Variants in TRANK1 observed in about 807,000 individuals in gnomAD.
TRANK1 encodes the protein TPR and ankyrin repeat-containing protein 1.
A neutral mutation model predicts 266.0 loss-of-function variants in TRANK1; 198 were observed. The observed-to-expected ratio is 0.74, with a 90% CI of 0.66 to 0.84. The LOEUF (loss-of-function observed/expected upper bound fraction) is 0.84. TRANK1 is among the 40% of genes least tolerant of loss of function. The pLI is 0.00. For missense variants in TRANK1, 3,326 were observed against 3,634.6 expected, an observed-to-expected ratio of 0.92 and a Z score of 2.18; for synonymous variants, 1,396 against 1,384.1, an observed-to-expected ratio of 1.01 and a Z score of -0.19.
At chr3:36,829,080 A>G (rs931764848) in intron 23 of TRANK1, among the ~76,000 whole-genome samples, 1 of 152,170 alleles carries the variant, frequency 6.6e-6, no homozygotes, top group East Asian at 1.9e-4. Context: ...CAAACTTTTA[A>G]CCCTCTGTAG....
Position 36,915,727 on chromosome 3 carries a change from T to C in TRANK1, c.24-7273A>G, listed in dbSNP as rs142978557. ...TATTTTTCTTCTTATGAAGAAAAAG[T>C]AGAGGGTATAAGAAAGGCTGTAACA... On this transcript the variant is annotated intron_variant, in intron 1 of 23. Transcript: ENST00000645898. Among the ~76,000 whole-genome samples the C allele has an allele frequency of 2.4e-3, 369 of 152,200 alleles. 1 individual carries two copies. The highest frequency in any genetic ancestry group is 8.3e-3 in the African/African-American group (345 of 41,524).
intron 1 of TRANK1, among the ~76,000 whole-genome samples, chr3:36,919,790 AT>A (rs1311527703): frequency 9.9e-5 from 15 of 152,188 alleles, no homozygotes; most frequent in Non-Finnish European, 1.9e-4. Context: ...AGTCTTTTTA[AT>A]TTTAGCCACT....
At chr3:36,828,401 G>A in intron 23 of TRANK1, 26 bp from the exon 24 acceptor site, 3 of 615,268 alleles carry the variant, frequency 4.9e-6, no homozygotes, top group Admixed American at 2.1e-5. Flanking sequence ...AGGAAGGAAG[G>A]AAGGAAGGAA....
intron 20 of TRANK1, among the ~76,000 whole-genome samples, chr3:36,837,706 A>G (rs1013583696): frequency 2.6e-4 from 39 of 152,192 alleles, no homozygotes; most frequent in African/African-American, 9.4e-4. Flanking sequence ...GCTTACTTTT[A>G]TCTTCTGTGT....
intron 1 of TRANK1, among the ~76,000 whole-genome samples, chr3:36,943,985 G>A (rs1392916820): frequency 6.6e-6 from 1 of 152,136 alleles, no homozygotes. Context: ...GGGAGAAAAG[G>A]TGGCTTGAGC....
At chr3:36,847,085 G>A (rs142138922) in intron 16 of TRANK1, 115 bp downstream of exon 16, 12,959 of 1,272,994 alleles carry the variant, frequency 0.01, 112 homozygotes, top group Non-Finnish European at 0.011. Flanking sequence ...TCAATTCCCC[G>A]TTGCTGAGGA....
chr3:36,895,646 T>A lies in TRANK1; in HGVS notation c.546A>T (p.Leu182Phe). 6.5e-7 allele frequency: 1 copy of A among 1,531,250 alleles called. No homozygotes were observed. Among genetic ancestry groups the A allele is most frequent in the Non-Finnish European group, 8.7e-7 (1 of 1,143,140 alleles). 94.9% of individuals were successfully genotyped at this position (1,531,250 alleles called of 1,614,324 possible). The change falls in exon 5 of 24, where the codon TTA becomes TTT. Residue 182 changes from leucine to phenylalanine, a missense_variant. By Grantham distance (22) the Leu-to-Phe change is conservative (BLOSUM62 0). Transcript: ENST00000645898. ...SVIEKLAKKG[L>F]WHSFLLLSAK... ...GCCATCTCCTTTTACTTACATGCCATAATCCTTTCTTTGCCAACTTTTCTA... is the reference window on the plus strand; with the variant it reads ...GCCATCTCCTTTTACTTACATGCCAAAATCCTTTCTTTGCCAACTTTTCTA...
chr3:36,879,094 T>C (rs2079434101), intron 8 of TRANK1, among the ~76,000 whole-genome samples: 1 of 152,016 alleles, frequency 6.6e-6, no homozygotes. Context: ...CTTACATTGC[T>C]CAGAATGATG....
chr3:36,922,461 C>G (rs892576141), intron 1 of TRANK1, among the ~76,000 whole-genome samples: 7 of 152,140 alleles, frequency 4.6e-5, no homozygotes, highest in Non-Finnish European at 8.8e-5. Flanking sequence ...AAAAATTAGC[C>G]GGGTGTGGTG....
In TRANK1 at chr3:36,846,249, T is replaced by C; in HGVS notation, c.5190A>G (p.Lys1730=). 6.3e-7 allele frequency: 1 copy of C among 1,583,470 alleles called. No individual in the cohort carries two copies. Among genetic ancestry groups the C allele is most frequent in the Non-Finnish European group, 8.6e-7 (1 of 1,163,852 alleles). Residue 1730 remains lysine, a splice_region_variant and synonymous_variant, in exon 17 of 24, where the codon AAA becomes AAG. Transcript: ENST00000645898. Reference sequence around the variant, plus strand: ...AAGAGTATTTTAACAGGATCTTACCTTTATTTTCATCTGTCTTTACAACTT... The same window carrying C: ...AAGAGTATTTTAACAGGATCTTACCCTTATTTTCATCTGTCTTTACAACTT... ...FVQVVKTDEN[K]DFDDSMFVKT... is the part of the protein sequence containing the mutation.
In TRANK1 at chr3:36,851,769, C is replaced by T. The variant is rs2078987291; in HGVS notation, c.4837G>A (p.Gly1613Ser). 6.2e-7 allele frequency: 1 copy of T among 1,613,260 alleles called. No homozygotes were observed. The highest frequency in any genetic ancestry group is 1.3e-5 in the African/African-American group (1 of 75,032). The change falls in exon 15 of 24, where the codon GGC (glycine) becomes AGC (serine). Residue 1613 changes from glycine to serine, a missense_variant. Transcript: ENST00000645898. Reference protein sequence around the residue: ...ALVLTIYEAKGLEFDDVLLYN... With the variant: ...ALVLTIYEAKSLEFDDVLLYN... ...AGGAGGACATCATCAAATTCTAAGC[C>T]TTTTGCTTCATAAATTGTTAGCACA...
intron 1 of TRANK1, among the ~76,000 whole-genome samples, chr3:36,919,645 T>G (rs1425649626): frequency 1.3e-5 from 2 of 152,248 alleles, no homozygotes; most frequent in Non-Finnish European, 2.9e-5. Flanking sequence ...GTGGATCTGC[T>G]GAGTGACAGG....
chr3:36,903,179 T>C lies in TRANK1; in HGVS notation c.252A>G (p.Glu84=). 6.5e-7 allele frequency: 1 copy of C among 1,537,312 alleles called. No homozygotes were observed. ...CGTAGGTTGGATCCCATTGGAGACA[T>C]TCCTTGGCAGCAACAAATGCCTCAT... is the stretch of plus-strand genomic sequence containing the variant. ...KWNEAFVAAK[E]CLQWDPTYVK... The change falls in exon 3 of 24, where the codon GAA becomes GAG. Residue 84 remains glutamate (E), a synonymous_variant. Transcript: ENST00000645898.
intron 1 of TRANK1, among the ~76,000 whole-genome samples, chr3:36,921,957 C>G (rs1000315688): frequency 6.6e-6 from 1 of 152,086 alleles, no homozygotes; most frequent in Non-Finnish European, 1.5e-5. Flanking sequence ...ACCTAGGCAA[C>G]ACAGTGAGAC....
intron 9 of TRANK1, among the ~76,000 whole-genome samples, chr3:36,872,046 A>T (rs1405749142): frequency 6.6e-6 from 1 of 152,266 alleles, no homozygotes; most frequent in East Asian, 1.9e-4. Flanking sequence ...TCAGTCATAC[A>T]TACAAACCAT....
rs1000217388 is a variant in TRANK1, at chr3:36,889,628, T to C, written c.907+201A>G. 3.9e-5 allele frequency among the ~76,000 whole-genome samples: 6 copies of C among 152,116 alleles called. No homozygotes were observed. In the South Asian group the frequency reaches 1.2e-3, roughly 32 times the overall value. ...GAAAGAGCTCCTGAAGCCCAGCAAT[T>C]CTTCTTTCTCTCACCTCACCTTCTT... On this transcript the variant is annotated intron_variant, in intron 8 of 23. Transcript: ENST00000645898.
intron 13 of TRANK1, among the ~76,000 whole-genome samples, chr3:36,854,250 C>T (rs4678913): frequency 8.6e-4 from 130 of 151,814 alleles, no homozygotes; most frequent in Middle Eastern, 6.8e-3. Flanking sequence ...GTCCCAGCTA[C>T]TTGGGAGGCT....
rs540790349 is a variant in TRANK1, at chr3:36,828,347, A to G, written c.8838T>C (p.Asn2946=). ...GAAGCTCACCAAAGTCTTCAACTTC[A>G]TTTTCATAATCATCTTCCTGAACAA... The part of the protein sequence containing the change: ...EGIVQEDDYE[N]EVEDFGELRP... The change falls in exon 24 of 24, where the codon AAT becomes AAC. Residue 2946 remains asparagine, a synonymous_variant. Coordinates refer to ENST00000645898, the MANE Select transcript of TRANK1 (RefSeq NM_001329998.2). The G allele has an allele frequency of 1.3e-6, 2 of 1,484,474 alleles. No individual in the cohort carries two copies. The highest frequency in any genetic ancestry group is 6.4e-5 in the East Asian group (2 of 31,432). The allele number at this position is 1,484,474 out of a possible 1,614,324, so 92.0% of individuals were successfully genotyped here. A position where few individuals can be genotyped will look rare whatever the true frequency, so the allele number is the denominator to read the frequency against.
intron 13 of TRANK1, among the ~76,000 whole-genome samples, 158 bp from the exon 14 acceptor site, chr3:36,852,503 C>A (rs2078997852): frequency 6.6e-6 from 1 of 152,156 alleles, no homozygotes. Flanking sequence ...ATTACCTCTG[C>A]AGCCCTGAGC....
Sources: gnomAD v4.1 joint callset for allele counts (sites outside exome capture counted in the v4.1 genomes callset) on GRCh38, gnomAD v4.1.1 for gene constraint, MANE v1.5 for transcripts, NCBI Gene and HGNC (gene_info 2026-07-23, HGNC 2026-07-21) for gene names.